DSC2: variants seen among roughly 807,000 people sequenced by gnomAD.
DSC2 encodes desmocollin-2.
DSC2 carries 51 observed loss-of-function variants against 87.6 expected under a neutral mutation model. The observed-to-expected ratio is 0.58, with a 90% CI of 0.46 to 0.74. DSC2 has a LOEUF of 0.74. Ranked by LOEUF, DSC2 falls within the 30% of genes least tolerant of loss-of-function variation. The probability of loss-of-function intolerance (pLI) is 0.00; values close to 1 mark genes in which losing one functional copy is unlikely to be tolerated. For missense variants in DSC2, 1,066 were observed against 1,089.5 expected (o/e 0.98, Z 0.30); for synonymous variants, 383 against 393.2 (o/e 0.97, Z 0.31).
intron 1 of DSC2, among the ~76,000 whole-genome samples, chr18:31,100,100 C>A (rs1391659655): frequency 6.6e-6 from 1 of 152,212 alleles, no homozygotes; most frequent in Non-Finnish European, 1.5e-5. Flanking sequence ...TTGAGACTCA[C>A]AACCACAACA....
intron 15 of DSC2, 143 bp downstream of exon 15, chr18:31,068,751 A>G: frequency 8.6e-7 from 1 of 1,157,996 alleles, no homozygotes; most frequent in South Asian, 1.5e-5. Context: ...TAACTAAATT[A>G]AAATTGAGGA....
rs1297595681 is a variant in DSC2 at position 31,062,517 on chromosome 18, A to G, written c.*5498T>C. On this transcript the variant is annotated 3_prime_UTR_variant, in exon 16 of 16. Coordinates refer to ENST00000280904, the MANE Select transcript of DSC2 (RefSeq NM_024422.6). ...GTTGAGAAAAAGAATTCTTTAGGCA[A>G]TATGCAGTCTGATCTTAGCCAGGTA... 2.0e-5 allele frequency: 3 copies of G among 152,178 alleles called. No homozygotes were observed. The highest frequency in any genetic ancestry group is 4.4e-5 in the Non-Finnish European group (3 of 68,032). 9.4% of individuals were successfully genotyped at this position (152,178 alleles called of 1,614,324 possible).
At chr18:31,100,746 C>A (rs1987915165) in intron 1 of DSC2, among the ~76,000 whole-genome samples, 1 of 152,186 alleles carries the variant, frequency 6.6e-6, no homozygotes, top group Non-Finnish European at 1.5e-5. Context: ...ATTAGCCTTC[C>A]GGGTTCCTCC....
intron 1 of DSC2, among the ~76,000 whole-genome samples, chr18:31,098,161 T>C (rs1028762677): frequency 2.6e-5 from 4 of 152,198 alleles, no homozygotes; most frequent in Non-Finnish European, 5.9e-5. Flanking sequence ...TCTTATATAA[T>C]TGTTTTTCTC....
In DSC2 at chr18:31,086,719, C is replaced by G. The variant is rs966660258; in HGVS notation, c.799G>C (p.Ala267Pro). The change falls in exon 7 of 16, where the codon GCT (alanine) becomes CCT (proline). Residue 267 changes from alanine (A) to proline (P), a missense_variant. Ala to Pro is a conservative substitution (Grantham distance 27). Transcript: ENST00000280904. Reference protein sequence around the residue: ...RVGTTVGQVCATDKDEPDTMH... With the variant: ...RVGTTVGQVCPTDKDEPDTMH... ...GTGTCAGGCTCATCTTTGTCAGTAG[C>G]ACACACTTGTCCCACAGTAGTGCCT... The G allele has an allele frequency of 5.6e-6, 9 of 1,614,056 alleles. No homozygotes were observed. Among genetic ancestry groups the G allele is most frequent in the Non-Finnish European group, 7.6e-6 (9 of 1,179,992 alleles).
At chr18:31,082,117 T>C (rs910187003) in intron 9 of DSC2, 121 bp downstream of exon 9, 74 of 862,994 alleles carry the variant, frequency 8.6e-5, no homozygotes, top group South Asian at 1.9e-4. Context: ...AACAGAGCAT[T>C]TGCATTTACT....
rs1269823384 is a variant in DSC2, at chr18:31,064,952, G to A, written c.*3063C>T. 1 of 152,150 alleles carries A rather than the reference G, an allele frequency of 6.6e-6. No individual in the cohort carries two copies. The highest frequency in any genetic ancestry group is 6.5e-5 in the Admixed American group (1 of 15,272). 9.4% of individuals were successfully genotyped at this position (152,150 alleles called of 1,614,324 possible). A position where few individuals can be genotyped will look rare whatever the true frequency, so the allele number is the denominator to read the frequency against. On this transcript the variant is annotated 3_prime_UTR_variant, in exon 16 of 16. Coordinates refer to ENST00000280904, the MANE Select transcript of DSC2 (RefSeq NM_024422.6). ...GTCTTAAGATGGGAATAAAGAAAAA[G>A]TAATGATTACCAGGAGCCCCCAGAC...
chr18:31,072,363 G>T (rs1986863056), intron 12 of DSC2, among the ~76,000 whole-genome samples: 1 of 152,162 alleles, frequency 6.6e-6, no homozygotes, highest in Admixed American at 6.6e-5. Context: ...ACATTAGCAG[G>T]TCATGAGTCA....
chr18:31,072,742 A>C (rs1240190273), intron 12 of DSC2, among the ~76,000 whole-genome samples: 1 of 152,210 alleles, frequency 6.6e-6, no homozygotes, highest in African/African-American at 2.4e-5. Flanking sequence ...CCTCTCCCAC[A>C]TAGCTGCCCA....
intron 5 of DSC2, among the ~76,000 whole-genome samples, chr18:31,088,746 T>C (rs1318583420): frequency 6.6e-6 from 1 of 152,096 alleles, no homozygotes; most frequent in Non-Finnish European, 1.5e-5. Flanking sequence ...CCCTACCTGC[T>C]CCCCATAAAC....
intron 11 of DSC2, 98 bp downstream of exon 11, chr18:31,079,749 G>A: frequency 7.3e-7 from 1 of 1,372,578 alleles, no homozygotes; most frequent in East Asian, 2.3e-5. Flanking sequence ...TGAAAACAGA[G>A]TGCATGTATC....
chr18:31,086,092 A>AT (rs797022147), intron 7 of DSC2, among the ~76,000 whole-genome samples: 27 of 152,256 alleles, frequency 1.8e-4, no homozygotes, highest in African/African-American at 6.5e-4. Context: ...AGAATGGAAA[A>AT]TATGTTTAGA....
In DSC2 at chr18:31,092,313, T is replaced by C. The variant is rs746325873; in HGVS notation, c.155-13A>G. On this transcript the variant is annotated splice_polypyrimidine_tract_variant and intron_variant, in intron 2 of 15. Coordinates refer to ENST00000280904, the MANE Select transcript of DSC2 (RefSeq NM_024422.6). Reference sequence around the variant, plus strand: ...TCTTTCAGGTTAACTGTAGAAAATATGCACAGCAATCATTTTTAAAGTAAA... The same window carrying C: ...TCTTTCAGGTTAACTGTAGAAAATACGCACAGCAATCATTTTTAAAGTAAA... The C allele has an allele frequency of 2.5e-6, 4 of 1,605,782 alleles. No homozygotes were observed. The Admixed American group carries it at 6.7e-5, about 27-fold the overall frequency.
intron 15 of DSC2, 169 bp from the exon 16 acceptor site, chr18:31,068,381 T>G (rs1406038680): frequency 2.5e-6 from 4 of 1,585,864 alleles, no homozygotes; most frequent in Non-Finnish European, 3.5e-6. Flanking sequence ...GTCTGTTTCA[T>G]ACATCACACT....
intron 12 of DSC2, among the ~76,000 whole-genome samples, chr18:31,072,150 T>G (rs1364821197): frequency 6.6e-6 from 1 of 152,268 alleles, no homozygotes; most frequent in South Asian, 2.1e-4. Flanking sequence ...GTTAATAGAT[T>G]AGTTTTTACC....
Position 31,086,791 on chromosome 18 carries a change from T to C in DSC2, c.776-49A>G, listed in dbSNP as rs1163826755. Reference sequence around the variant, plus strand: ...ATCTCCAAAACATTCACATGTTCTATGTTCCCTTTATTTCATTCCTTTTCA... The same window carrying C: ...ATCTCCAAAACATTCACATGTTCTACGTTCCCTTTATTTCATTCCTTTTCA... On this transcript the variant is annotated intron_variant, in intron 6 of 15. Transcript: ENST00000280904. The C allele has an allele frequency of 1.5e-5, 23 of 1,578,892 alleles. No individual in the cohort carries two copies. In the East Asian group the frequency reaches 5.1e-4, roughly 35 times the overall value.
At position 31,074,819 on chromosome 18, in the gene DSC2, G is replaced by A. The variant is rs367583109; in HGVS notation, c.1752C>T (p.Ile584=). 1.9e-6 allele frequency: 3 copies of A among 1,614,012 alleles called. No homozygotes were observed. Among genetic ancestry groups the A allele is most frequent in the Non-Finnish European group, 2.5e-6 (3 of 1,179,988 alleles). Reference sequence around the variant, plus strand: ...CCGCAGATGACATGGTGGGTTTGCAGATGATCACTGTCTTTTTAGGTATGA... The same window carrying A: ...CCGCAGATGACATGGTGGGTTTGCAAATGATCACTGTCTTTTTAGGTATGA... ...SPFIPKKTVI[I]CKPTMSSAEI... Residue 584 remains isoleucine (I), a synonymous_variant, in exon 12 of 16, where the codon ATC becomes ATT. Transcript: ENST00000280904.
In DSC2 at chr18:31,062,627, G is replaced by A. The variant is rs1400444193; in HGVS notation, c.*5388C>T. Reference sequence around the variant, plus strand: ...CAGTGTCTACTGCTCTACATGTTAGGCATACAGTGGTCAAGAAGACAGAGG... The same window carrying A: ...CAGTGTCTACTGCTCTACATGTTAGACATACAGTGGTCAAGAAGACAGAGG... On this transcript the variant is annotated 3_prime_UTR_variant, in exon 16 of 16. Transcript: ENST00000280904. The A allele has an allele frequency of 6.6e-6, 1 of 152,088 alleles. No individual in the cohort carries two copies. Among genetic ancestry groups the A allele is most frequent in the Non-Finnish European group, 1.5e-5 (1 of 68,032 alleles). 9.4% of individuals were successfully genotyped at this position (152,088 alleles called of 1,614,324 possible). A position where few individuals can be genotyped will look rare whatever the true frequency, so the allele number is the denominator to read the frequency against.
chr18:31,091,090 C>CCCATCTT lies in DSC2; in HGVS notation c.405_411dup (p.Ala138LysfsTer27). On this transcript the variant is annotated frameshift_variant, in exon 4 of 16. Coordinates refer to ENST00000280904, the MANE Select transcript of DSC2 (RefSeq NM_024422.6). LOFTEE classifies it high-confidence loss of function. ...TCTAGCATCGAACAAGGAATTGGAGCCCATCTTCTCTTGGCGCGCCTTAGA... is the reference window on the plus strand; with the variant it reads ...TCTAGCATCGAACAAGGAATTGGAGCCCATCTTCCATCTTCTCTTGGCGCGCCTTAGA... 6.2e-7 allele frequency: 1 copy of CCCATCTT among 1,613,994 alleles called. No individual in the cohort carries two copies. The highest frequency in any genetic ancestry group is 2.2e-5 in the East Asian group (1 of 44,868).
Sources: gnomAD v4.1 joint callset for allele counts (sites outside exome capture counted in the v4.1 genomes callset) on GRCh38, gnomAD v4.1.1 for gene constraint, MANE v1.5 for transcripts, NCBI Gene and HGNC (gene_info 2026-07-23, HGNC 2026-07-21) for gene names.